The following NAALAD2 variants were observed in gnomAD, a reference collection of about 807,000 sequenced individuals.
NAALAD2 encodes N-acetylated alpha-linked acidic dipeptidase 2, also known as N-acetylated-alpha-linked acidic dipeptidase 2.
A neutral mutation model predicts 95.6 loss-of-function variants in NAALAD2; 89 were observed. The ratio of observed to expected loss-of-function variants is 0.93; its 90% CI spans 0.78 to 1.11. NAALAD2 has a LOEUF of 1.11. Among genes scored for constraint, NAALAD2 ranks in the 50% least tolerant of loss-of-function variants. The probability of loss-of-function intolerance (pLI) is 0.00; values close to 1 mark genes in which losing one functional copy is unlikely to be tolerated. For missense variants in NAALAD2, 894 were observed against 872.4 expected, an observed-to-expected ratio of 1.02 and a Z score of -0.31; for synonymous variants, 264 against 294.4, an observed-to-expected ratio of 0.90 and a Z score of 1.06.
chr11:90,157,002 T>A (rs1952136447), intron 6 of NAALAD2, among the ~76,000 whole-genome samples: 1 of 152,182 alleles, frequency 6.6e-6, no homozygotes, highest in African/African-American at 2.4e-5. Flanking sequence ...ACATGTCTTA[T>A]GGCCCAGAAT....
rs1355382277 is a variant in NAALAD2, at chr11:90,162,962, C to A, written c.1003C>A (p.His335Asn). 2.0e-6 allele frequency: 3 copies of A among 1,534,266 alleles called. No individual in the cohort carries two copies. The highest frequency in any genetic ancestry group is 1.8e-5 in the Admixed American group (1 of 55,716). ...GSDSFRKVRM[H>N]VYNINKITRI... ...TTAAAATTCTAGGAAGGTTAGAATG[C>A]ATGTTTATAACATCAATAAAATTAC... Residue 335 changes from histidine (H) to asparagine (N), a missense_variant, in exon 9 of 19, where the codon CAT becomes AAT. By Grantham distance (68) the His-to-Asn change is moderately conservative. Coordinates refer to ENST00000534061, the MANE Select transcript of NAALAD2 (RefSeq NM_005467.4).
chr11:90,143,169 C>T (rs969625918), intron 2 of NAALAD2, among the ~76,000 whole-genome samples: 2 of 151,956 alleles, frequency 1.3e-5, no homozygotes, highest in African/African-American at 2.4e-5. Flanking sequence ...AGGTATTTAT[C>T]GTTTTTGATG....
chr11:90,151,631 CA>C (rs1276690948), intron 5 of NAALAD2, among the ~76,000 whole-genome samples: 1 of 152,086 alleles, frequency 6.6e-6, no homozygotes, highest in Non-Finnish European at 1.5e-5. Context: ...AGTGATATAA[CA>C]GGGTGTTCTC....
chr11:90,172,584 A>G (rs954793645), intron 13 of NAALAD2, among the ~76,000 whole-genome samples: 1 of 152,172 alleles, frequency 6.6e-6, no homozygotes, highest in African/African-American at 2.4e-5. Context: ...ACTTGGAGAC[A>G]TATCTATCTC....
At position 90,152,385 on chromosome 11, in the gene NAALAD2, C is replaced by A; in HGVS notation, c.697C>A (p.Pro233Thr). The change falls in exon 6 of 19, where the codon CCC becomes ACC. Residue 233 changes from proline to threonine, a missense_variant. Pro to Thr is a conservative substitution (Grantham distance 38, BLOSUM62 -1). Transcript: ENST00000534061. ...DYFAPEVQPY[P>T]KGWNLPGTAA... is the part of the protein sequence containing the mutation. ...CTTTGCTCCTGAGGTACAGCCATAT[C>A]CCAAAGGATGGAATCTTCCTGGAAC... 1.2e-6 allele frequency: 2 copies of A among 1,613,816 alleles called. No homozygotes were observed. The highest frequency in any genetic ancestry group is 1.1e-5 in the South Asian group (1 of 91,044).
chr11:90,163,194 AG>A, intron 9 of NAALAD2, 115 bp from the exon 10 acceptor site: 1 of 1,272,728 alleles, frequency 7.9e-7, no homozygotes, highest in South Asian at 1.5e-5. Flanking sequence ...TTTACTTTAT[AG>A]TGTTGTCTTC....
chr11:90,167,780 C>T (rs910750751), intron 11 of NAALAD2, among the ~76,000 whole-genome samples: 1 of 151,998 alleles, frequency 6.6e-6, no homozygotes, highest in Non-Finnish European at 1.5e-5. Context: ...CTAGTGGGGA[C>T]GTGGGGAAAG....
intron 17 of NAALAD2, among the ~76,000 whole-genome samples, chr11:90,181,974 C>G (rs1461108808): frequency 1.3e-5 from 2 of 151,524 alleles, no homozygotes; most frequent in African/African-American, 4.9e-5. Flanking sequence ...TTGGGGAGCA[C>G]TGCTCTGAAT....
chr11:90,191,719 C>T lies in NAALAD2; in HGVS notation c.2195C>T (p.Ala732Val). ...ATTGCAGCTTTTACAATTCAAGCAG[C>T]AGCAGGAACTCTGAAAGAAGTATTA... ...ISIAAFTIQA[A>V]AGTLKEVL Residue 732 changes from alanine (A) to valine (V), a missense_variant, in exon 19 of 19, where the codon GCA becomes GTA. Physicochemically the swap from Ala to Val is moderately conservative, Grantham distance 64. Coordinates refer to ENST00000534061, the MANE Select transcript of NAALAD2 (RefSeq NM_005467.4). 9.4e-6 allele frequency: 15 copies of T among 1,589,616 alleles called. No individual in the cohort carries two copies. Among genetic ancestry groups the T allele is most frequent in the Non-Finnish European group, 1.3e-5 (15 of 1,168,902 alleles).
At chr11:90,132,798 A>G (rs1951372611), upstream of NAALAD2, among the ~76,000 whole-genome samples, 1 of 152,196 alleles carries the variant, frequency 6.6e-6, no homozygotes. Flanking sequence ...AGGGGGAACA[A>G]ACTCACTTTG....
At chr11:90,162,723 T>G (rs1362269004) in intron 8 of NAALAD2, 2 of 292,050 alleles carry the variant, frequency 6.8e-6, no homozygotes, top group East Asian at 1.2e-4. Flanking sequence ...TCAAGGTGCA[T>G]GCTTAGGTGC....
intron 11 of NAALAD2, among the ~76,000 whole-genome samples, chr11:90,167,079 C>A (rs772603252): frequency 1.2e-4 from 19 of 152,338 alleles, no homozygotes; most frequent in Non-Finnish European, 2.2e-4. Flanking sequence ...GCCTTGGCGC[C>A]CACTCTGGCC....
intron 6 of NAALAD2, among the ~76,000 whole-genome samples, chr11:90,156,438 C>A (rs1047098385): frequency 8.6e-5 from 13 of 151,972 alleles, no homozygotes; most frequent in Admixed American, 8.5e-4. Context: ...TTTATTTGTT[C>A]TTTTTCTAGT....
At chr11:90,145,786 A>T (rs1421312819) in intron 2 of NAALAD2, among the ~76,000 whole-genome samples, 1 of 152,172 alleles carries the variant, frequency 6.6e-6, no homozygotes, top group East Asian at 1.9e-4. Context: ...GCAAAGGCTA[A>T]AAGGTATTAA....
intron 13 of NAALAD2, among the ~76,000 whole-genome samples, chr11:90,170,671 G>A (rs1367444805): frequency 6.6e-6 from 1 of 152,168 alleles, no homozygotes; most frequent in African/African-American, 2.4e-5. Flanking sequence ...TTATGGAATA[G>A]AGAATATTAA....
intron 2 of NAALAD2, among the ~76,000 whole-genome samples, chr11:90,145,041 T>C (rs7107845): frequency 0.45 from 68,628 of 151,918 alleles, 16,566 homozygotes; most frequent in African/African-American, 0.62. Flanking sequence ...TCTTGATTAG[T>C]CCATAAGCCA....
chr11:90,175,566 G>A (rs1390011546), intron 14 of NAALAD2, among the ~76,000 whole-genome samples: 1 of 151,996 alleles, frequency 6.6e-6, no homozygotes, highest in Non-Finnish European at 1.5e-5. Flanking sequence ...TTTTTTTATG[G>A]CAGTTTTCTT....
At chr11:90,172,314 T>A (rs1952666179) in intron 13 of NAALAD2, among the ~76,000 whole-genome samples, 1 of 152,116 alleles carries the variant, frequency 6.6e-6, no homozygotes, top group Non-Finnish European at 1.5e-5. Flanking sequence ...TCATAAAATA[T>A]CATCTCATTC....
chr11:90,134,319 C>T (rs1159477165), upstream of NAALAD2, among the ~76,000 whole-genome samples: 1 of 152,032 alleles, frequency 6.6e-6, no homozygotes, highest in African/African-American at 2.4e-5. Context: ...CCGAGTCTGA[C>T]GAGTGGGAAA....
Sources: gnomAD v4.1 joint callset for allele counts (sites outside exome capture counted in the v4.1 genomes callset) on GRCh38, gnomAD v4.1.1 for gene constraint, MANE v1.5 for transcripts, NCBI Gene and HGNC (gene_info 2026-07-23, HGNC 2026-07-21) for gene names.